The following MGAT4C variants were observed in gnomAD, a reference collection of about 807,000 sequenced individuals.
MGAT4C encodes the protein MGAT4 family member C, also known as alpha-1,3-mannosyl-glycoprotein 4-beta-N-acetylglucosaminyltransferase C.
Under a neutral mutation model 40.1 loss-of-function variants are expected in MGAT4C, and 19 were observed. That is an observed-to-expected ratio of 0.47 (90% CI 0.33 to 0.70). The LOEUF is 0.70. MGAT4C is among the 30% of genes least tolerant of loss of function. The probability of loss-of-function intolerance (pLI) is 0.02; values close to 1 mark genes in which losing one functional copy is unlikely to be tolerated. For synonymous variants in MGAT4C, 181 were observed against 187.1 expected (o/e 0.97, Z 0.27); for missense variants, 491 against 563.2 (o/e 0.87, Z 1.30).
intron 4 of MGAT4C, among the ~76,000 whole-genome samples, chr12:86,267,487 C>T (rs985843684): frequency 2.6e-5 from 4 of 151,930 alleles, no homozygotes; most frequent in South Asian, 2.1e-4. Flanking sequence ...TCTACCAAGA[C>T]GCAAAAACAG....
chr12:86,336,072 A>G (rs755610886), intron 3 of MGAT4C, among the ~76,000 whole-genome samples: 8 of 151,972 alleles, frequency 5.3e-5, no homozygotes, highest in Non-Finnish European at 1.2e-4. Flanking sequence ...GTACTTTGCC[A>G]CCTCCCTGGC....
At chr12:86,060,023 G>C (rs1156450753) in intron 1 of MGAT4C, among the ~76,000 whole-genome samples, 2 of 152,160 alleles carry the variant, frequency 1.3e-5, no homozygotes, top group Non-Finnish European at 1.5e-5. Context: ...TGGAGGGAGA[G>C]AGGGAAACAC....
chr12:86,130,325 T>C (rs886254670), intron 1 of MGAT4C, among the ~76,000 whole-genome samples: 1 of 152,112 alleles, frequency 6.6e-6, no homozygotes. Context: ...ATATGAAATA[T>C]AAGAAATGTG....
At chr12:86,242,728 C>T (rs1015506404) in intron 1 of MGAT4C, among the ~76,000 whole-genome samples, 2 of 151,996 alleles carry the variant, frequency 1.3e-5, no homozygotes, top group African/African-American at 4.8e-5. Flanking sequence ...CTAGCTGTCC[C>T]ATCCAACCTT....
intron 2 of MGAT4C, among the ~76,000 whole-genome samples, chr12:86,009,133 C>T (rs901779071): frequency 2.0e-5 from 3 of 152,240 alleles, no homozygotes; most frequent in African/African-American, 7.2e-5. Context: ...ACAGCTAAGG[C>T]AATACCCTTC....
Position 86,122,245 on chromosome 12 carries a change from C to T in MGAT4C, c.-56-72522G>A, listed in dbSNP as rs185443438. Reference sequence around the variant, plus strand: ...AAAGTACTCATTTTAAAAATGTATGCCTTTTTATTAGTAAAAATACATATT... The same window carrying T: ...AAAGTACTCATTTTAAAAATGTATGTCTTTTTATTAGTAAAAATACATATT... On this transcript the variant is annotated intron_variant, in intron 1 of 4. Transcript: ENST00000611864. Among the ~76,000 whole-genome samples, 366 of 152,130 alleles carry T rather than the reference C, an allele frequency of 2.4e-3. 4 individuals carry two copies. Among genetic ancestry groups the T allele is most frequent in the African/African-American group, 8.5e-3 (352 of 41,536 alleles).
intron 2 of MGAT4C, among the ~76,000 whole-genome samples, chr12:86,012,785 A>G (rs987818419): frequency 1.6e-5 from 2 of 128,366 alleles, no homozygotes; most frequent in Admixed American, 1.5e-4. Context: ...AACAACCACC[A>G]CCACCACCAC....
At chr12:86,117,674 G>A (rs1878659872) in intron 1 of MGAT4C, among the ~76,000 whole-genome samples, 1 of 152,106 alleles carries the variant, frequency 6.6e-6, no homozygotes, top group Non-Finnish European at 1.5e-5. Context: ...GAGGCTATTG[G>A]CATCATTGAG....
intron 2 of MGAT4C, among the ~76,000 whole-genome samples, chr12:86,613,591 T>C (rs1962354554): frequency 6.6e-6 from 1 of 152,194 alleles, no homozygotes; most frequent in African/African-American, 2.4e-5. Context: ...TCTTGAAATA[T>C]GACTTTTTAA....
At chr12:86,371,383 G>C (rs562176883) in intron 3 of MGAT4C, among the ~76,000 whole-genome samples, 2 of 152,054 alleles carry the variant, frequency 1.3e-5, no homozygotes, top group South Asian at 2.1e-4. Context: ...TGCTGCTAAA[G>C]GGATCTTTCC....
At chr12:86,632,679 T>C (rs1963095863) in intron 2 of MGAT4C, among the ~76,000 whole-genome samples, 1 of 151,454 alleles carries the variant, frequency 6.6e-6, no homozygotes, top group African/African-American at 2.4e-5. Context: ...ACACTGCAGT[T>C]TCTCGCTCAT....
chr12:86,030,264 C>A (rs1890622285), intron 2 of MGAT4C, among the ~76,000 whole-genome samples: 2 of 151,752 alleles, frequency 1.3e-5, no homozygotes, highest in East Asian at 1.9e-4. Flanking sequence ...TTTATGTGAA[C>A]AATTTGTATG....
At chr12:86,796,366 G>A (rs893218826) in intron 1 of MGAT4C, among the ~76,000 whole-genome samples, 1 of 151,920 alleles carries the variant, frequency 6.6e-6, no homozygotes, top group African/African-American at 2.4e-5. Context: ...TGCAGTGTTT[G>A]CCAAAGCAAG....
intron 1 of MGAT4C, among the ~76,000 whole-genome samples, chr12:86,076,328 C>G (rs1400702967): frequency 6.6e-6 from 1 of 152,166 alleles, no homozygotes; most frequent in African/African-American, 2.4e-5. Context: ...GCATTTTGGG[C>G]AAAGTCATTC....
chr12:86,382,297 G>GC (rs548000671), intron 3 of MGAT4C, among the ~76,000 whole-genome samples: 446 of 152,316 alleles, frequency 2.9e-3, no homozygotes, highest in African/African-American at 0.01. Flanking sequence ...GTGGCATTGT[G>GC]CCCCTGCACT....
At chr12:86,693,250 TTTA>T (rs758158333) in intron 2 of MGAT4C, among the ~76,000 whole-genome samples, 8 of 152,176 alleles carry the variant, frequency 5.3e-5, no homozygotes, top group Non-Finnish European at 1.0e-4. Context: ...AAAAATATGA[TTTA>T]TTATTATGTC....
At chr12:86,421,692 G>A (rs1199695571) in intron 3 of MGAT4C, among the ~76,000 whole-genome samples, 5 of 152,108 alleles carry the variant, frequency 3.3e-5, no homozygotes, top group African/African-American at 9.7e-5. Flanking sequence ...CAGGAGAATC[G>A]CTTAAACCCA....
In MGAT4C at chr12:86,519,350, GTGC is replaced by G. The variant is rs374323931; in HGVS notation, c.-228-84088_-228-84086del. On this transcript the variant is annotated intron_variant, in intron 2 of 7. Coordinates refer to the MGAT4C transcript ENST00000548651. The stretch of plus-strand genomic sequence containing the variant: ...TTCCATATTTTGGCTATTGTGAATA[GTGC>G]TGCAATAAATATGGGAGTGCAGATA... 3.3e-3 allele frequency among the ~76,000 whole-genome samples: 509 copies of G among 152,228 alleles called. 1 individual carries two copies. Among genetic ancestry groups the G allele is most frequent in the African/African-American group, 0.012 (492 of 41,538 alleles).
At chr12:86,580,311 T>C (rs1650199301) in intron 2 of MGAT4C, among the ~76,000 whole-genome samples, 1 of 151,538 alleles carries the variant, frequency 6.6e-6, no homozygotes, top group South Asian at 2.1e-4. Context: ...ATTTTGTCTC[T>C]CTTCTTTGTA....
Sources: gnomAD v4.1 joint callset for allele counts (sites outside exome capture counted in the v4.1 genomes callset) on GRCh38, gnomAD v4.1.1 for gene constraint, MANE v1.5 for transcripts, NCBI Gene and HGNC (gene_info 2026-07-23, HGNC 2026-07-21) for gene names.